Variants in PALM2AKAP2 observed in about 807,000 individuals in gnomAD.
PALM2AKAP2 encodes PALM2-AKAP2 fusion protein.
PALM2AKAP2 carries 37 observed loss-of-function variants against 71.5 expected under a neutral mutation model. That is an observed-to-expected ratio of 0.52 (90% CI 0.40 to 0.68). PALM2AKAP2 has a LOEUF of 0.68. Among genes scored for constraint, PALM2AKAP2 ranks in the 30% least tolerant of loss-of-function variants. The probability of loss-of-function intolerance (pLI) is 0.00; values close to 1 mark genes in which losing one functional copy is unlikely to be tolerated. For synonymous variants in PALM2AKAP2, 468 were observed against 478.8 expected, an observed-to-expected ratio of 0.98 and a Z score of 0.29; for missense variants, 1,224 against 1,191.8, an observed-to-expected ratio of 1.03 and a Z score of -0.40.
chr9:109,696,455 G>A (rs1020564845), intron 1 of PALM2AKAP2, among the ~76,000 whole-genome samples: 3 of 152,220 alleles, frequency 2.0e-5, no homozygotes, highest in African/African-American at 7.2e-5. Flanking sequence ...TATGTTTTCA[G>A]CAAGGGTGCG....
At chr9:109,699,784 T>TA (rs1351498069) in intron 1 of PALM2AKAP2, among the ~76,000 whole-genome samples, 3 of 152,030 alleles carry the variant, frequency 2.0e-5, no homozygotes, top group South Asian at 2.1e-4. Flanking sequence ...ATTTATTTTT[T>TA]TTTTTTTTGA....
intron 3 of PALM2AKAP2, among the ~76,000 whole-genome samples, chr9:109,905,443 A>G (rs1830426017): frequency 1.3e-5 from 2 of 152,210 alleles, no homozygotes; most frequent in South Asian, 4.2e-4. Flanking sequence ...GTAAGGCAAA[A>G]TGTCTCTATT....
intron 1 of PALM2AKAP2, among the ~76,000 whole-genome samples, chr9:109,764,729 G>C (rs773642169): frequency 1.1e-4 from 16 of 152,052 alleles, no homozygotes; most frequent in Non-Finnish European, 1.9e-4. Flanking sequence ...TGGATGAATG[G>C]ATGGATGGAC....
intron 6 of PALM2AKAP2, among the ~76,000 whole-genome samples, chr9:109,995,061 T>C (rs1421385727): frequency 1.3e-5 from 2 of 152,222 alleles, no homozygotes; most frequent in African/African-American, 4.8e-5. Context: ...CAGATAATTC[T>C]TTTAAAAATA....
At chr9:109,833,361 A>C (rs1419954354) in intron 1 of PALM2AKAP2, among the ~76,000 whole-genome samples, 1 of 152,172 alleles carries the variant, frequency 6.6e-6, no homozygotes, top group East Asian at 1.9e-4. Flanking sequence ...TCTCAAAAAC[A>C]AAAAAGAAAA....
At chr9:109,927,486 A>T (rs1363584743) in intron 5 of PALM2AKAP2, among the ~76,000 whole-genome samples, 2 of 152,216 alleles carry the variant, frequency 1.3e-5, no homozygotes, top group Non-Finnish European at 2.9e-5. Flanking sequence ...GGATTATGTA[A>T]CTATACAGAC....
chr9:109,714,927 A>T (rs567418445), intron 1 of PALM2AKAP2, among the ~76,000 whole-genome samples: 1 of 152,248 alleles, frequency 6.6e-6, no homozygotes, highest in Admixed American at 6.5e-5. Flanking sequence ...CCCTGTTGTG[A>T]CTGCATCAAA....
At chr9:110,071,509 C>T (rs941233906) in intron 1 of PALM2AKAP2, among the ~76,000 whole-genome samples, 4 of 152,206 alleles carry the variant, frequency 2.6e-5, no homozygotes, top group African/African-American at 7.2e-5. Flanking sequence ...ATCTTATTGA[C>T]GTCTTTGACA....
At chr9:109,789,699 G>T (rs910449648) in intron 1 of PALM2AKAP2, among the ~76,000 whole-genome samples, 1 of 152,186 alleles carries the variant, frequency 6.6e-6, no homozygotes, top group Non-Finnish European at 1.5e-5. Flanking sequence ...TAGAGGAAAG[G>T]TTGCTCATAA....
intron 2 of PALM2AKAP2, among the ~76,000 whole-genome samples, chr9:109,868,036 A>G (rs1829503031): frequency 6.6e-6 from 1 of 152,200 alleles, no homozygotes; most frequent in South Asian, 2.1e-4. Flanking sequence ...ATGTGATCTG[A>G]TAAAAGAACA....
chr9:109,799,386 G>A (rs2131391340), intron 1 of PALM2AKAP2, among the ~76,000 whole-genome samples: 1 of 152,342 alleles, frequency 6.6e-6, no homozygotes, highest in South Asian at 2.1e-4. Context: ...GCAGGATGAG[G>A]CAGGGAGCTG....
chr9:109,688,039 A>T (rs1365988954), intron 1 of PALM2AKAP2, among the ~76,000 whole-genome samples: 1 of 152,230 alleles, frequency 6.6e-6, no homozygotes, highest in Non-Finnish European at 1.5e-5. Context: ...CTTACATGTG[A>T]GTGGTTTGTA....
exon 2 of PALM2AKAP2, chr9:110,137,318 T>C: frequency 6.2e-7 from 1 of 1,613,908 alleles, no homozygotes; most frequent in Non-Finnish European, 8.5e-7. Context: ...GCCTCTGGGG[T>C]CAGTCAACTC....
intron 6 of PALM2AKAP2, among the ~76,000 whole-genome samples, chr9:109,967,899 C>T (rs752002510): frequency 6.6e-6 from 1 of 152,184 alleles, no homozygotes; most frequent in Non-Finnish European, 1.5e-5. Context: ...AAGTTATTCT[C>T]CAACAGGCAG....
intron 3 of PALM2AKAP2, among the ~76,000 whole-genome samples, chr9:109,919,372 T>G (rs1830771497): frequency 6.6e-6 from 1 of 152,208 alleles, no homozygotes; most frequent in Non-Finnish European, 1.5e-5. Flanking sequence ...TCATTCTGGT[T>G]AGATAAGTTA....
chr9:109,811,751 A>G (rs1022638963), intron 1 of PALM2AKAP2, among the ~76,000 whole-genome samples: 1 of 152,088 alleles, frequency 6.6e-6, no homozygotes, highest in Non-Finnish European at 1.5e-5. Flanking sequence ...AAAAAAAATT[A>G]TTTTAGAGAC....
At chr9:109,877,548 T>G (rs1166035359) in intron 2 of PALM2AKAP2, among the ~76,000 whole-genome samples, 1 of 152,178 alleles carries the variant, frequency 6.6e-6, no homozygotes, top group Admixed American at 6.5e-5. Context: ...TTACTTGTTC[T>G]TTCTTAGGTA....
chr9:110,110,542 C>CTT (rs559402514), intron 1 of PALM2AKAP2, among the ~76,000 whole-genome samples: 6,284 of 94,840 alleles, frequency 0.066, 295 homozygotes, highest in Non-Finnish European at 0.095. Context: ...TTTCTGAACT[C>CTT]TTTTTTTTTT....
chr9:109,694,147 T>A (rs1213156124), intron 1 of PALM2AKAP2, among the ~76,000 whole-genome samples: 2 of 152,036 alleles, frequency 1.3e-5, no homozygotes, highest in Non-Finnish European at 2.9e-5. Context: ...AGTGGATGAA[T>A]TCATGAACTT....
Sources: allele counts gnomAD v4.1 joint callset (sites outside exome capture counted in the v4.1 genomes callset), GRCh38; gene constraint gnomAD v4.1.1; transcripts MANE v1.5; gene names NCBI Gene and HGNC (gene_info 2026-07-23, HGNC 2026-07-21).